Variants in PTPRZ1 observed in about 807,000 individuals in gnomAD.
The protein encoded by PTPRZ1 is protein tyrosine phosphatase receptor type Z1.
Under a neutral mutation model 214.1 loss-of-function variants are expected in PTPRZ1, and 82 were observed. The observed-to-expected ratio is 0.38, with a 90% CI of 0.32 to 0.46. The LOEUF (loss-of-function observed/expected upper bound fraction) is 0.46, where lower values mean the gene tolerates loss of function less well. PTPRZ1 is among the 20% of genes least tolerant of loss of function. The pLI is 1.00. For synonymous variants in PTPRZ1, 945 were observed against 987.9 expected, an observed-to-expected ratio of 0.96 and a Z score of 0.81; for missense variants, 2,603 against 2,748.7, an observed-to-expected ratio of 0.95 and a Z score of 1.19.
At chr7:122,039,311 A>C in intron 19 of PTPRZ1, 143 bp from the exon 20 acceptor site, 2 of 906,634 alleles carry the variant, frequency 2.2e-6, no homozygotes, top group Non-Finnish European at 3.1e-6. Context: ...AACTAATTTC[A>C]GTCACTTATA....
intron 13 of PTPRZ1, among the ~76,000 whole-genome samples, chr7:122,026,494 T>C (rs1224795509): frequency 6.6e-6 from 1 of 152,212 alleles, no homozygotes. Flanking sequence ...ACTTTCTGTA[T>C]AGTTTCTGCC....
intron 8 of PTPRZ1, among the ~76,000 whole-genome samples, chr7:121,984,482 G>C (rs1797708291): frequency 1.3e-5 from 2 of 152,138 alleles, no homozygotes; most frequent in Non-Finnish European, 2.9e-5. Context: ...ATGAATAAGA[G>C]GCTGAGGTGT....
At chr7:122,000,018 T>C (rs1001127618) in intron 10 of PTPRZ1, among the ~76,000 whole-genome samples, 3 of 152,146 alleles carry the variant, frequency 2.0e-5, no homozygotes, top group African/African-American at 7.2e-5. Flanking sequence ...AGGCATTTTG[T>C]ATAGTAATGA....
chr7:121,908,516 T>C, intron 1 of PTPRZ1: 2 of 354,176 alleles, frequency 5.6e-6, no homozygotes, highest in South Asian at 4.6e-5. Flanking sequence ...TACCTAGCCT[T>C]TCTAATGGGG....
chr7:121,874,348 C>A (rs1793986543), intron 1 of PTPRZ1, among the ~76,000 whole-genome samples: 1 of 152,180 alleles, frequency 6.6e-6, no homozygotes, highest in Admixed American at 6.5e-5. Context: ...GATGCAGACT[C>A]AAGTTTTCCA....
intron 2 of PTPRZ1, among the ~76,000 whole-genome samples, chr7:121,943,874 T>C (rs909275639): frequency 6.6e-6 from 1 of 152,186 alleles, no homozygotes; most frequent in Non-Finnish European, 1.5e-5. Flanking sequence ...TTATGTTATC[T>C]TAATTTGGGG....
chr7:121,901,399 CT>C (rs1171981254), intron 1 of PTPRZ1, among the ~76,000 whole-genome samples: 1 of 152,004 alleles, frequency 6.6e-6, no homozygotes, highest in Admixed American at 6.6e-5. Context: ...AAAATCTTTT[CT>C]GTATGTTTGT....
At position 121,976,869 on chromosome 7, in the gene PTPRZ1, C is replaced by T. The variant is rs780238047; in HGVS notation, c.619+18C>T. 3.7e-6 allele frequency: 6 copies of T among 1,602,354 alleles called. No homozygotes were observed. Among genetic ancestry groups the T allele is most frequent in the Non-Finnish European group, 5.1e-6 (6 of 1,172,562 alleles). ...TCGTTTTGGTAAGCTACTTGGGGAA[C>T]TATCTTTCTTCAGGATTCTGCTTTG... On this transcript the variant is annotated intron_variant, in intron 6 of 29. Transcript: ENST00000393386.
intron 12 of PTPRZ1, among the ~76,000 whole-genome samples, chr7:122,014,752 GTATT>G (rs1344823771): frequency 2.0e-5 from 3 of 152,042 alleles, no homozygotes; most frequent in East Asian, 1.9e-4. Flanking sequence ...AGGTATTTAT[GTATT>G]TATTTATTTA....
chr7:121,904,660 A>C (rs959801910), intron 1 of PTPRZ1, among the ~76,000 whole-genome samples: 2 of 152,190 alleles, frequency 1.3e-5, no homozygotes, highest in African/African-American at 4.8e-5. Context: ...TAATCAGAAG[A>C]GACTCAGATG....
Position 122,028,614 on chromosome 7 carries a change from C to T in PTPRZ1, c.5051C>T (p.Thr1684Ile). ...AGTACATCCCCTAGAGTTATATCCA[C>T]ACCTCCAACACCTATCTTTCCAATT... The part of the protein sequence containing the change: ...EDSTSPRVIS[T>I]PPTPIFPISD... The change falls in exon 14 of 30, where the codon ACA (threonine) becomes ATA (isoleucine). Residue 1684 changes from threonine (T) to isoleucine (I), a missense_variant. Around this residue, in one of 6 missense-constraint regions of PTPRZ1, gnomAD observed 1,913 missense variants for 1,914.3 expected, o/e 1.00. Transcript: ENST00000393386. 7.8e-6 allele frequency: 12 copies of T among 1,539,632 alleles called. No individual in the cohort carries two copies. The highest frequency in any genetic ancestry group is 1.7e-5 in the Admixed American group (1 of 59,844).
intron 22 of PTPRZ1, 34 bp from the exon 23 acceptor site, chr7:122,044,388 G>T: frequency 1.2e-6 from 2 of 1,611,956 alleles, no homozygotes; most frequent in South Asian, 2.2e-5. Context: ...AGGAAAACTT[G>T]AACTAATGTT....
chr7:121,974,741 G>A (rs1366023040), intron 4 of PTPRZ1, among the ~76,000 whole-genome samples: 2 of 152,152 alleles, frequency 1.3e-5, no homozygotes, highest in Admixed American at 1.3e-4. Context: ...ACCCACCTCA[G>A]TCTCCCAAAG....
chr7:121,881,428 A>G (rs1794235082), intron 1 of PTPRZ1, among the ~76,000 whole-genome samples: 1 of 152,244 alleles, frequency 6.6e-6, no homozygotes, highest in Non-Finnish European at 1.5e-5. Context: ...TTCATAATGT[A>G]TGGGTGCTGA....
intron 2 of PTPRZ1, among the ~76,000 whole-genome samples, chr7:121,966,326 CTCTT>C (rs1290413766): frequency 5.9e-5 from 9 of 152,170 alleles, no homozygotes; most frequent in Non-Finnish European, 8.8e-5. Context: ...AACTATGTAA[CTCTT>C]TCTAAGTGTG....
intron 1 of PTPRZ1, among the ~76,000 whole-genome samples, chr7:121,873,968 T>C (rs1238176361): frequency 6.6e-6 from 1 of 152,062 alleles, no homozygotes; most frequent in Non-Finnish European, 1.5e-5. Context: ...ACTGTCTTTT[T>C]TGCTGTTCAT....
At chr7:121,962,449 AAATAATAATAAT>A (rs144574732) in intron 2 of PTPRZ1, among the ~76,000 whole-genome samples, 52,356 of 148,330 alleles carry the variant, frequency 0.35, 10,991 homozygotes, top group Middle Eastern at 0.46. Flanking sequence ...CTCTGTCTCA[AAATAATAATAAT>A]AATAATAATA....
chr7:121,939,561 T>C (rs1796183126), intron 2 of PTPRZ1, among the ~76,000 whole-genome samples: 1 of 152,246 alleles, frequency 6.6e-6, no homozygotes, highest in African/African-American at 2.4e-5. Flanking sequence ...TCATATATCA[T>C]TCAGATTTTT....
chr7:122,058,902 G>A lies in PTPRZ1; in HGVS notation c.6631G>A (p.Glu2211Lys). 6.3e-7 allele frequency: 1 copy of A among 1,594,010 alleles called. No homozygotes were observed. The highest frequency in any genetic ancestry group is 8.6e-7 in the Non-Finnish European group (1 of 1,161,956). The change falls in exon 28 of 30, where the codon GAA (glutamate) becomes AAA (lysine). Residue 2211 changes from glutamate to lysine, a missense_variant. Glu to Lys is a moderately conservative substitution (Grantham distance 56, BLOSUM62 1). Around this residue, in one of 6 missense-constraint regions of PTPRZ1, gnomAD observed 165 missense variants for 151.4 expected, o/e 1.09. Transcript: ENST00000393386. ...TFELISVIKEEAANRDGPMIV... is the reference protein window; with the variant it reads ...TFELISVIKEKAANRDGPMIV... ...TGAACTTATAAGTGTTATAAAAGAA[G>A]AAGCTGCCAATAGGGATGGGCCTAT...
Sources: allele counts gnomAD v4.1 joint callset (sites outside exome capture counted in the v4.1 genomes callset), GRCh38; gene constraint gnomAD v4.1.1; regional missense constraint gnomAD v4.1.1; transcripts MANE v1.5; gene names NCBI Gene and HGNC (gene_info 2026-07-23, HGNC 2026-07-21).